WDR89: variants seen among roughly 807,000 people sequenced by gnomAD.
WDR89 encodes the protein WD repeat domain 89.
A neutral mutation model predicts 29.1 loss-of-function variants in WDR89; 17 were observed. That is an observed-to-expected ratio of 0.58 (90% confidence interval 0.40 to 0.88). The LOEUF is 0.88. WDR89 is among the 40% of genes least tolerant of loss of function. The pLI, the probability that WDR89 is intolerant of heterozygous loss-of-function variation, is 0.00. For synonymous variants in WDR89, 138 were observed against 157.8 expected (o/e 0.87, Z 0.94); for missense variants, 396 against 456.3 (o/e 0.87, Z 1.20).
At chr14:63,617,684 T>A (rs1882407777) in intron 2 of WDR89, among the ~76,000 whole-genome samples, 1 of 151,624 alleles carries the variant, frequency 6.6e-6, no homozygotes, top group African/African-American at 2.4e-5. Flanking sequence ...GAGGTTTCAC[T>A]ATGTTGGCCA....
At chr14:63,638,285 A>G (rs923177473) in intron 1 of WDR89, among the ~76,000 whole-genome samples, 1 of 152,290 alleles carries the variant, frequency 6.6e-6, no homozygotes, top group Middle Eastern at 3.4e-3. Flanking sequence ...CCCCCCAAAA[A>G]AGAAAATTAC....
At chr14:63,612,443 T>C (rs1882050117) in intron 2 of WDR89, among the ~76,000 whole-genome samples, 1 of 151,716 alleles carries the variant, frequency 6.6e-6, no homozygotes. Context: ...TGGTGGGATC[T>C]CTGCTCACTG....
At chr14:63,630,200 G>A (rs892284727) in intron 1 of WDR89, among the ~76,000 whole-genome samples, 8 of 150,898 alleles carry the variant, frequency 5.3e-5, no homozygotes, top group Admixed American at 2.0e-4. Flanking sequence ...CACCTGCCTC[G>A]GCCTCCCAAA....
intron 2 of WDR89, among the ~76,000 whole-genome samples, chr14:63,617,844 C>T (rs73263619): frequency 0.016 from 2,381 of 152,162 alleles, 62 homozygotes; most frequent in African/African-American, 0.049. Flanking sequence ...GTGGATGAAT[C>T]TCAGAATTGG....
At position 63,640,760 on chromosome 14, in the gene WDR89, GC is replaced by G. The variant is rs375652343; in HGVS notation, c.-138+1043del. Reference sequence around the variant, plus strand: ...CAAAGTGCTGGGATTACTGGCGTGAGCCACCGCGCCCAGGCTTTTATTGACT... The same window carrying G: ...CAAAGTGCTGGGATTACTGGCGTGAGCACCGCGCCCAGGCTTTTATTGACT... On this transcript the variant is annotated intron_variant, in intron 1 of 2. Coordinates refer to ENST00000620954, the MANE Select transcript of WDR89 (RefSeq NM_080666.4). 7.3e-4 allele frequency among the ~76,000 whole-genome samples: 109 copies of G among 150,150 alleles called. 2 individuals are homozygous for G. The East Asian group carries it at 0.012, about 17-fold the overall frequency.
rs1264870883 is a variant in WDR89, at chr14:63,598,815, A to T, written c.1128T>A (p.His376Gln). ...ASSVHQRVRV[H>Q]SNDSYKRRKK... ...TCCTTCTTTTATAAGAATCATTACT[A>T]TGAACTCGTACTCGTTGGTGCACAG... Residue 376 changes from histidine to glutamine, a missense_variant, in exon 3 of 3, where the codon CAT (histidine) becomes CAA (glutamine). Physicochemically the swap from His to Gln is conservative, Grantham distance 24. Transcript: ENST00000620954. 2 of 1,604,076 alleles carry T rather than the reference A, an allele frequency of 1.2e-6. No individual in the cohort carries two copies. The highest frequency in any genetic ancestry group is 4.5e-5 in the East Asian group (2 of 44,810).
At chr14:63,628,720 T>C (rs1177027803) in intron 1 of WDR89, among the ~76,000 whole-genome samples, 2 of 150,798 alleles carry the variant, frequency 1.3e-5, no homozygotes, top group Non-Finnish European at 2.9e-5. Flanking sequence ...TCCCAACACT[T>C]TGGGAGGCCA....
chr14:63,613,165 C>A (rs1882093129), intron 2 of WDR89, among the ~76,000 whole-genome samples: 1 of 152,160 alleles, frequency 6.6e-6, no homozygotes, highest in African/African-American at 2.4e-5. Context: ...GGAGTCGCAG[C>A]CTACCAATCA....
At chr14:63,602,462 C>CAAAAA (rs58161137) in intron 2 of WDR89, among the ~76,000 whole-genome samples, 18 of 35,604 alleles carry the variant, frequency 5.1e-4, no homozygotes, top group East Asian at 9.4e-4. Context: ...GATTCCTACT[C>CAAAAA]AAAAAAAAAA....
intron 1 of WDR89, among the ~76,000 whole-genome samples, chr14:63,640,806 TAAAG>T (rs956768619): frequency 1.5e-4 from 22 of 144,776 alleles, no homozygotes; most frequent in Admixed American, 8.9e-4. Flanking sequence ...TTCAAATTAA[TAAAG>T]AAAACGGCCG....
At chr14:63,614,943 T>C (rs1275511254) in intron 2 of WDR89, among the ~76,000 whole-genome samples, 1 of 152,192 alleles carries the variant, frequency 6.6e-6, no homozygotes, top group African/African-American at 2.4e-5. Flanking sequence ...ACGTCCAAGA[T>C]AGTGGTTGCA....
In WDR89 at chr14:63,598,840, G is replaced by C. The variant is rs769884640; in HGVS notation, c.1103C>G (p.Ser368Cys). 14 of 1,613,744 alleles carry C rather than the reference G, an allele frequency of 8.7e-6. No individual in the cohort carries two copies. The East Asian group carries it at 2.9e-4, about 33-fold the overall frequency. The change falls in exon 3 of 3, where the codon TCT becomes TGT. Residue 368 changes from serine to cysteine, a missense_variant. Physicochemically the swap from Ser to Cys is moderately radical, Grantham distance 112. Coordinates refer to ENST00000620954, the MANE Select transcript of WDR89 (RefSeq NM_080666.4). ...TKKESMKIAS[S>C]VHQRVRVHSN... ...ATGAACTCGTACTCGTTGGTGCACAGAGGATGCTATTTTCATACTCTCTTT... is the reference window on the plus strand; with the variant it reads ...ATGAACTCGTACTCGTTGGTGCACACAGGATGCTATTTTCATACTCTCTTT...
chr14:63,606,579 T>C (rs570771607), intron 2 of WDR89, among the ~76,000 whole-genome samples: 7 of 152,114 alleles, frequency 4.6e-5, no homozygotes, highest in African/African-American at 1.7e-4. Flanking sequence ...GTGTAGGTCA[T>C]ACCGTACAGC....
In WDR89 at chr14:63,598,533, A is replaced by G; in HGVS notation, c.*246T>C. The G allele has an allele frequency of 3.2e-6, 1 of 312,406 alleles. No individual in the cohort carries two copies. The highest frequency in any genetic ancestry group is 5.3e-5 in the East Asian group (1 of 18,864). 19.4% of individuals were successfully genotyped at this position (312,406 alleles called of 1,614,324 possible). On this transcript the variant is annotated 3_prime_UTR_variant, in exon 3 of 3. Coordinates refer to ENST00000620954, the MANE Select transcript of WDR89 (RefSeq NM_080666.4). ...TATTTCTTTAAAGCCAACATTTACT[A>G]CATTAACAGATGGGTTCTTTAAATA...
At chr14:63,606,792 G>A (rs1214955437) in intron 2 of WDR89, among the ~76,000 whole-genome samples, 1 of 152,164 alleles carries the variant, frequency 6.6e-6, no homozygotes, top group African/African-American at 2.4e-5. Flanking sequence ...ACCCTATGAG[G>A]CAGATATTAT....
intron 1 of WDR89, among the ~76,000 whole-genome samples, chr14:63,628,914 G>A (rs780712952): frequency 4.6e-5 from 7 of 151,904 alleles, no homozygotes; most frequent in Non-Finnish European, 8.8e-5. Context: ...CCAGCAGCCT[G>A]GGTGACAATG....
intron 1 of WDR89, among the ~76,000 whole-genome samples, chr14:63,635,634 T>C (rs1225610269): frequency 1.3e-5 from 2 of 152,082 alleles, no homozygotes; most frequent in Non-Finnish European, 2.9e-5. Flanking sequence ...CCAGAGGAAT[T>C]AGACAACAGA....
At position 63,598,868 on chromosome 14, in the gene WDR89, T is replaced by C; in HGVS notation, c.1075A>G (p.Lys359Glu). Reference protein sequence around the residue: ...KPGAIEKTFTKKESMKIASSV... With the variant: ...KPGAIEKTFTEKESMKIASSV... ...GATGCTATTTTCATACTCTCTTTCT[T>C]TGTAAAGGTCTTCTCTATAGCTCCA... Residue 359 changes from lysine (K) to glutamate (E), a missense_variant, in exon 3 of 3, where the codon AAG becomes GAG. Lys to Glu is a moderately conservative substitution (Grantham distance 56). Transcript: ENST00000620954. 2 of 1,614,218 alleles carry C rather than the reference T, an allele frequency of 1.2e-6. No individual in the cohort carries two copies. Among genetic ancestry groups the C allele is most frequent in the Non-Finnish European group, 1.7e-6 (2 of 1,180,022 alleles).
intron 2 of WDR89, among the ~76,000 whole-genome samples, chr14:63,622,353 G>A (rs1882752850): frequency 6.6e-6 from 1 of 151,990 alleles, no homozygotes; most frequent in Admixed American, 6.5e-5. Context: ...GCTGAGGCGG[G>A]TGGATCACCT....
Sources: allele counts gnomAD v4.1 joint callset (sites outside exome capture counted in the v4.1 genomes callset), GRCh38; gene constraint gnomAD v4.1.1; transcripts MANE v1.5; gene names NCBI Gene and HGNC (gene_info 2026-07-23, HGNC 2026-07-21).